AP5M1: variants seen among roughly 807,000 people sequenced by gnomAD.
AP5M1 encodes AP-5 complex subunit mu-1.
A neutral mutation model predicts 52.3 loss-of-function variants in AP5M1; 44 were observed. That is an observed-to-expected ratio of 0.84 (90% CI 0.66 to 1.08). AP5M1 has a LOEUF of 1.08. AP5M1 is among the 50% of genes least tolerant of loss of function. The pLI is 0.00. For missense variants in AP5M1, 526 were observed against 568.4 expected, an observed-to-expected ratio of 0.93 and a Z score of 0.76; for synonymous variants, 213 against 199.0, an observed-to-expected ratio of 1.07 and a Z score of -0.59.
chr14:57,282,216 CT>C lies in AP5M1; in HGVS notation c.1081del (p.Tyr361ThrfsTer27). ...TTTGAATTCTGTGAAGCCCATATAC[CT>C]TTTTACAATAGGTAGGAATAAAATG... is the stretch of plus-strand genomic sequence containing the variant. ...NNFEFCEAHI[P>X]FYNRGPITHL... On this transcript the variant is annotated frameshift_variant, in exon 4 of 8. Transcript: ENST00000261558. LOFTEE classifies it high-confidence loss of function. 6.5e-7 allele frequency: 1 copy of C among 1,538,542 alleles called. No individual in the cohort carries two copies. Among genetic ancestry groups the C allele is most frequent in the Non-Finnish European group, 8.7e-7 (1 of 1,150,460 alleles).
Position 57,298,487 on chromosome 14 carries a change from G to T in AP5M1, c.*9603G>T, listed in dbSNP as rs1190304302. ...TTCCTCCCAACTTTGTAGGGTTATT[G>T]TGAGCATTGAATGATACCAAGTTAT... On this transcript the variant is annotated 3_prime_UTR_variant, in exon 8 of 8. Coordinates refer to ENST00000261558, the MANE Select transcript of AP5M1 (RefSeq NM_018229.4). 1 of 152,118 alleles carries T rather than the reference G, an allele frequency of 6.6e-6. No individual in the cohort carries two copies. Among genetic ancestry groups the T allele is most frequent in the Non-Finnish European group, 1.5e-5 (1 of 68,026 alleles). The allele number at this position is 152,118 out of a possible 1,614,324, so 9.4% of individuals were successfully genotyped here. A position where few individuals can be genotyped will look rare whatever the true frequency, so the allele number is the denominator to read the frequency against.
chr14:57,269,214 C>T lies in AP5M1; in HGVS notation c.-101C>T. On this transcript the variant is annotated 5_prime_UTR_variant, in exon 1 of 8. Transcript: ENST00000261558. ...GACCGGTATGCGGCGCAGGATGAGC[C>T]TCAGGGCTTCTGTTAAGAGTCTGTC... 8.6e-7 allele frequency: 1 copy of T among 1,157,910 alleles called. No individual in the cohort carries two copies. Among genetic ancestry groups the T allele is most frequent in the Non-Finnish European group, 1.3e-6 (1 of 788,828 alleles). The allele number at this position is 1,157,910 out of a possible 1,614,324, so 71.7% of individuals were successfully genotyped here.
chr14:57,278,457 T>C (rs541708085), intron 2 of AP5M1: 1 of 152,384 alleles, frequency 6.6e-6, no homozygotes, highest in African/African-American at 2.4e-5. Flanking sequence ...AGGACAGGTT[T>C]GAGAGGCTGT....
At chr14:57,269,845 G>C (rs758315697) in intron 1 of AP5M1, among the ~76,000 whole-genome samples, 2 of 152,134 alleles carry the variant, frequency 1.3e-5, no homozygotes, top group East Asian at 3.9e-4. Context: ...GTCTCGCTCT[G>C]TTCCCCAGGC....
At position 57,292,505 on chromosome 14, in the gene AP5M1, T is replaced by C. The variant is rs939818244; in HGVS notation, c.*3621T>C. ...CCTGTCTGCTAAGTTAGAAAGTCAA[T>C]TGAATACCAAATGAAGTTTATTTCT... On this transcript the variant is annotated 3_prime_UTR_variant, in exon 8 of 8. Coordinates refer to ENST00000261558, the MANE Select transcript of AP5M1 (RefSeq NM_018229.4). The C allele has an allele frequency of 1.3e-5, 2 of 151,878 alleles. No homozygotes were observed. Among genetic ancestry groups the C allele is most frequent in the Non-Finnish European group, 2.9e-5 (2 of 67,838 alleles). 9.4% of individuals were successfully genotyped at this position (151,878 alleles called of 1,614,324 possible). A position where few individuals can be genotyped will look rare whatever the true frequency, so the allele number is the denominator to read the frequency against.
rs1327304160 is a variant in AP5M1, at chr14:57,292,299, G to A, written c.*3415G>A. The A allele has an allele frequency of 1.3e-5, 2 of 151,806 alleles. No homozygotes were observed. Among genetic ancestry groups the A allele is most frequent in the African/African-American group, 4.8e-5 (2 of 41,396 alleles). The allele number at this position is 151,806 out of a possible 1,614,324, so 9.4% of individuals were successfully genotyped here. A position where few individuals can be genotyped will look rare whatever the true frequency, so the allele number is the denominator to read the frequency against. Reference sequence around the variant, plus strand: ...GGTTTATTCAGCAAGGATTCAGTTGGTGATTAATCCCCCTTTGATCTAGGG... The same window carrying A: ...GGTTTATTCAGCAAGGATTCAGTTGATGATTAATCCCCCTTTGATCTAGGG... On this transcript the variant is annotated 3_prime_UTR_variant, in exon 8 of 8. Transcript: ENST00000261558.
In AP5M1 at chr14:57,269,208, A is replaced by T; in HGVS notation, c.-107A>T. ...GAGCGCGACCGGTATGCGGCGCAGG[A>T]TGAGCCTCAGGGCTTCTGTTAAGAG... On this transcript the variant is annotated 5_prime_UTR_variant, in exon 1 of 8. An upstream start codon of the reference 5' UTR is lost. Transcript: ENST00000261558. 9.3e-7 allele frequency: 1 copy of T among 1,073,824 alleles called. No homozygotes were observed. The highest frequency in any genetic ancestry group is 1.4e-6 in the Non-Finnish European group (1 of 719,976). The allele number at this position is 1,073,824 out of a possible 1,614,324, so 66.5% of individuals were successfully genotyped here.
chr14:57,276,044 C>G (rs985189319), intron 2 of AP5M1, among the ~76,000 whole-genome samples: 3 of 151,674 alleles, frequency 2.0e-5, no homozygotes, highest in Non-Finnish European at 2.9e-5. Context: ...TAGAACAGTC[C>G]TGACAGAAAA....
intron 7 of AP5M1, among the ~76,000 whole-genome samples, chr14:57,287,473 A>G (rs953565886): frequency 1.3e-5 from 2 of 152,046 alleles, no homozygotes; most frequent in Middle Eastern, 3.2e-3. Context: ...TTTTTGTTGT[A>G]TATATGAGAG....
Position 57,296,785 on chromosome 14 carries a change from C to G in AP5M1, c.*7901C>G, listed in dbSNP as rs766869700. ...GTTGAGAGGGAGACCTTAATTTAGT[C>G]AATAAAAATTCATAATTAATGTTAA... On this transcript the variant is annotated 3_prime_UTR_variant, in exon 8 of 8. Transcript: ENST00000261558. The G allele has an allele frequency of 1.1e-4, 16 of 151,920 alleles. No individual in the cohort carries two copies. The highest frequency in any genetic ancestry group is 2.2e-4 in the Non-Finnish European group (15 of 67,946). 9.4% of individuals were successfully genotyped at this position (151,920 alleles called of 1,614,324 possible). A position where few individuals can be genotyped will look rare whatever the true frequency, so the allele number is the denominator to read the frequency against.
chr14:57,277,793 A>T (rs779072702), intron 2 of AP5M1, among the ~76,000 whole-genome samples: 4 of 151,826 alleles, frequency 2.6e-5, no homozygotes, highest in Non-Finnish European at 5.9e-5. Flanking sequence ...CTCAGCAAAC[A>T]TTTTTTATTA....
chr14:57,282,314 C>G, intron 4 of AP5M1, 86 bp downstream of exon 4: 1 of 1,104,186 alleles, frequency 9.1e-7, no homozygotes, highest in East Asian at 2.9e-5. Context: ...TGTCTTTTAC[C>G]TTATTTTTAA....
intron 1 of AP5M1, 24 bp downstream of exon 1, chr14:57,269,412 G>A (rs1248112959): frequency 2.5e-6 from 4 of 1,610,832 alleles, no homozygotes; most frequent in Non-Finnish European, 3.4e-6. Flanking sequence ...TGAATCCTCA[G>A]GGATGATGGA....
chr14:57,291,821 A>ACC lies in AP5M1; in HGVS notation c.*2937_*2938insCC, dbSNP rs1885443255. On this transcript the variant is annotated 3_prime_UTR_variant, in exon 8 of 8. Transcript: ENST00000261558. The stretch of plus-strand genomic sequence containing the variant: ...GTTGTAGTATTTCAAAATACTTCGT[A>ACC]GACATTGATAGACTCCTACACTACC... 21 of 151,382 alleles carry ACC rather than the reference A, an allele frequency of 1.4e-4. No homozygotes were observed. In the South Asian group the frequency reaches 4.2e-3, roughly 30 times the overall value. 9.4% of individuals were successfully genotyped at this position (151,382 alleles called of 1,614,324 possible).
intron 2 of AP5M1, chr14:57,275,483 GAC>G: frequency 6.6e-6 from 1 of 152,446 alleles, no homozygotes; most frequent in Non-Finnish European, 1.5e-5. Flanking sequence ...AGAGGAGAGA[GAC>G]AGGCAGGCAG....
In AP5M1 at chr14:57,288,714, C is replaced by T. The variant is rs1222667865; in HGVS notation, c.1391-88C>T. ...TCAAAGTATTGACTTGAAATAACTG[C>T]ATTCCACAATTTCAAAAATCATGAC... On this transcript the variant is annotated intron_variant, in intron 7 of 7. Transcript: ENST00000261558. 29 of 750,292 alleles carry T rather than the reference C, an allele frequency of 3.9e-5. 1 individual carries two copies. In the South Asian group the frequency reaches 4.0e-4, roughly 10 times the overall value. The allele number at this position is 750,292 out of a possible 1,614,324, so 46.5% of individuals were successfully genotyped here.
At chr14:57,275,879 T>C (rs888324443) in intron 2 of AP5M1, among the ~76,000 whole-genome samples, 5 of 152,228 alleles carry the variant, frequency 3.3e-5, no homozygotes, top group African/African-American at 4.8e-5. Flanking sequence ...CCAGGTAAAC[T>C]TCCTACAAGT....
At chr14:57,277,400 G>A (rs1372060888) in intron 2 of AP5M1, among the ~76,000 whole-genome samples, 1 of 152,012 alleles carries the variant, frequency 6.6e-6, no homozygotes. Context: ...TACTATTGAT[G>A]TTTGCTTATT....
At chr14:57,283,868 C>T (rs1047236534) in intron 6 of AP5M1, among the ~76,000 whole-genome samples, 3 of 152,084 alleles carry the variant, frequency 2.0e-5, no homozygotes, top group Non-Finnish European at 2.9e-5. Context: ...CACCTTTAGT[C>T]ACAGCTTTTT....
Sources: allele counts gnomAD v4.1 joint callset (sites outside exome capture counted in the v4.1 genomes callset), GRCh38; gene constraint gnomAD v4.1.1; transcripts MANE v1.5; gene names NCBI Gene and HGNC (gene_info 2026-07-23, HGNC 2026-07-21).